Variants in MAGI1 observed in about 807,000 individuals in gnomAD.
MAGI1 encodes membrane associated guanylate kinase, WW and PDZ domain containing 1.
Under a neutral mutation model 139.9 loss-of-function variants are expected in MAGI1, and 58 were observed. The ratio of observed to expected loss-of-function variants is 0.41; its 90% CI spans 0.34 to 0.52. MAGI1 has a LOEUF of 0.52. Among genes scored for constraint, MAGI1 ranks in the 20% least tolerant of loss-of-function variants. The pLI is 0.12. For missense variants in MAGI1, 1,874 were observed against 1,901.6 expected (o/e 0.99, Z 0.27); for synonymous variants, 812 against 737.9 (o/e 1.10, Z -1.63).
intron 10 of MAGI1, among the ~76,000 whole-genome samples, chr3:65,433,512 C>CT (rs1274087298): frequency 3.9e-5 from 6 of 152,052 alleles, no homozygotes; most frequent in African/African-American, 1.4e-4. Context: ...GTTAATGTAG[C>CT]TTTTGGAAAG....
intron 1 of MAGI1, among the ~76,000 whole-genome samples, chr3:65,634,279 T>C (rs1464621670): frequency 6.6e-6 from 1 of 152,090 alleles, no homozygotes; most frequent in Non-Finnish European, 1.5e-5. Flanking sequence ...GTATAGAAAA[T>C]AAAAGCAAAA....
At chr3:65,568,647 C>G (rs58890820) in intron 2 of MAGI1, among the ~76,000 whole-genome samples, 5,223 of 152,232 alleles carry the variant, frequency 0.034, 308 homozygotes, top group African/African-American at 0.12. Context: ...CTGGGCAAAA[C>G]CTTGTGCAGG....
intron 1 of MAGI1, among the ~76,000 whole-genome samples, chr3:65,626,841 T>C: frequency 6.6e-6 from 1 of 152,214 alleles, no homozygotes; most frequent in East Asian, 1.9e-4. Context: ...AAAAATACTG[T>C]ACATTTTGGC....
chr3:65,823,854 A>G (rs1334408844), intron 1 of MAGI1, among the ~76,000 whole-genome samples: 1 of 152,130 alleles, frequency 6.6e-6, no homozygotes, highest in Non-Finnish European at 1.5e-5. Context: ...ATGGACACAC[A>G]CCTCCTTCCC....
At chr3:65,851,056 G>A (rs919293003) in intron 1 of MAGI1, among the ~76,000 whole-genome samples, 2 of 152,022 alleles carry the variant, frequency 1.3e-5, no homozygotes, top group Non-Finnish European at 2.9e-5. Flanking sequence ...GCAGTGAGCC[G>A]AGATCACGCC....
intron 1 of MAGI1, among the ~76,000 whole-genome samples, chr3:65,976,717 C>T (rs1334882501): frequency 1.3e-5 from 2 of 152,178 alleles, no homozygotes; most frequent in African/African-American, 4.8e-5. Context: ...TAATTACCCT[C>T]ACGTTTGACT....
intron 2 of MAGI1, among the ~76,000 whole-genome samples, chr3:65,556,951 C>T (rs2080112071): frequency 6.6e-6 from 1 of 152,180 alleles, no homozygotes; most frequent in African/African-American, 2.4e-5. Flanking sequence ...TCAGAACATT[C>T]CATGCTCTGA....
intron 12 of MAGI1, among the ~76,000 whole-genome samples, chr3:65,408,681 G>C (rs985142185): frequency 6.6e-6 from 1 of 152,158 alleles, no homozygotes. Flanking sequence ...TTGTTTAATA[G>C]AGAATATATA....
At chr3:65,606,803 C>A (rs1173174333) in intron 2 of MAGI1, among the ~76,000 whole-genome samples, 1 of 152,094 alleles carries the variant, frequency 6.6e-6, no homozygotes, top group African/African-American at 2.4e-5. Flanking sequence ...CAGGTGTGAG[C>A]CGCCGCACCC....
chr3:65,952,851 T>C (rs549089021), intron 1 of MAGI1, among the ~76,000 whole-genome samples: 1 of 152,242 alleles, frequency 6.6e-6, no homozygotes. Context: ...CACATAAATA[T>C]CACTGGCACT....
chr3:65,693,703 T>TTTG (rs111280018), intron 1 of MAGI1, among the ~76,000 whole-genome samples: 5 of 151,786 alleles, frequency 3.3e-5, no homozygotes, highest in East Asian at 3.9e-4. Flanking sequence ...AGAACAGTTT[T>TTTG]TTTTTGTTTT....
At chr3:65,952,058 C>G (rs1576230497) in intron 1 of MAGI1, among the ~76,000 whole-genome samples, 2 of 152,262 alleles carry the variant, frequency 1.3e-5, no homozygotes, top group South Asian at 4.1e-4. Context: ...TGGTTTGTTG[C>G]CTACATTCAT....
chr3:65,933,142 C>T (rs569756352), intron 1 of MAGI1, among the ~76,000 whole-genome samples: 2 of 152,294 alleles, frequency 1.3e-5, no homozygotes, highest in South Asian at 4.1e-4. Context: ...TATTAATCCA[C>T]TTGAAGACAA....
At chr3:65,789,002 A>AC (rs1478083774) in intron 1 of MAGI1, among the ~76,000 whole-genome samples, 2 of 151,880 alleles carry the variant, frequency 1.3e-5, no homozygotes, top group African/African-American at 2.4e-5. Context: ...ACATAGTGAG[A>AC]CCCCATCTCT....
At chr3:65,508,804 A>C (rs1194330654) in intron 2 of MAGI1, among the ~76,000 whole-genome samples, 1 of 152,336 alleles carries the variant, frequency 6.6e-6, no homozygotes, top group East Asian at 1.9e-4. Context: ...GTTTTGTTTC[A>C]TGTGTATTAA....
intron 1 of MAGI1, among the ~76,000 whole-genome samples, chr3:65,718,972 A>G (rs146680522): frequency 1.7e-3 from 251 of 146,090 alleles, no homozygotes; most frequent in African/African-American, 5.7e-3. Context: ...ACCACAGCCT[A>G]TATGTTGTTT....
At chr3:65,706,903 C>G (rs2107633240) in intron 1 of MAGI1, among the ~76,000 whole-genome samples, 2 of 152,248 alleles carry the variant, frequency 1.3e-5, no homozygotes, top group Middle Eastern at 6.8e-3. Flanking sequence ...TCAGGATGCT[C>G]AATTTGCTTT....
chr3:65,883,024 T>A (rs867356074), intron 1 of MAGI1, among the ~76,000 whole-genome samples: 1 of 151,016 alleles, frequency 6.6e-6, no homozygotes, highest in Non-Finnish European at 1.5e-5. Context: ...AGCAGTCAGG[T>A]ATCTTAGCTG....
chr3:65,877,439 G>A (rs1459356646), intron 1 of MAGI1, among the ~76,000 whole-genome samples: 1 of 152,138 alleles, frequency 6.6e-6, no homozygotes, highest in Admixed American at 6.5e-5. Flanking sequence ...AACACCCACA[G>A]ATATTTTAAT....
Sources: allele counts gnomAD v4.1 joint callset (sites outside exome capture counted in the v4.1 genomes callset), GRCh38; gene constraint gnomAD v4.1.1; transcripts MANE v1.5; gene names NCBI Gene and HGNC (gene_info 2026-07-23, HGNC 2026-07-21).